Variants in RBPJ observed in about 807,000 individuals in gnomAD.
The protein encoded by RBPJ is recombining binding protein suppressor of hairless.
Under a neutral mutation model 67.8 loss-of-function variants are expected in RBPJ, and 9 were observed. That is an observed-to-expected ratio of 0.13 (90% CI 0.08 to 0.23). The LOEUF (loss-of-function observed/expected upper bound fraction) is 0.23, where lower values mean the gene tolerates loss of function less well. Among genes scored for constraint, RBPJ ranks in the 10% least tolerant of loss-of-function variants. The pLI, the probability that RBPJ is intolerant of heterozygous loss-of-function variation, is 1.00. For missense variants in RBPJ, 305 were observed against 595.6 expected (o/e 0.51, Z 5.08); for synonymous variants, 198 against 203.3 (o/e 0.97, Z 0.22).
intron 1 of RBPJ, among the ~76,000 whole-genome samples, chr4:26,287,585 A>AAAGGAGAGGG (rs1721515689): frequency 6.3e-5 from 1 of 15,984 alleles, no homozygotes; most frequent in African/African-American, 5.9e-4. Flanking sequence ...AAAGGACAGG[A>AAAGGAGAGGG]GAGGAGAGGG....
chr4:26,342,265 C>CAAAA (rs60781954), intron 1 of RBPJ, among the ~76,000 whole-genome samples: 19 of 114,100 alleles, frequency 1.7e-4, no homozygotes, highest in East Asian at 2.7e-4. Context: ...CCTGGGTTAT[C>CAAAA]AAAAAAAAAA....
At chr4:26,371,571 CT>C (rs1729165115) in intron 1 of RBPJ, among the ~76,000 whole-genome samples, 1 of 151,810 alleles carries the variant, frequency 6.6e-6, no homozygotes, top group Non-Finnish European at 1.5e-5. Context: ...ATGACATTTT[CT>C]TCATTGCTAG....
chr4:26,149,786 C>T, the RBPJ span, among the ~76,000 whole-genome samples: 11 of 152,302 alleles, frequency 7.2e-5, 1 homozygote, highest in South Asian at 1.5e-3. Context: ...TTGGTGTTCT[C>T]TTATAGCAAC....
chr4:26,408,894 T>G (rs1263580305), intron 3 of RBPJ, among the ~76,000 whole-genome samples: 2 of 152,248 alleles, frequency 1.3e-5, no homozygotes, highest in Non-Finnish European at 2.9e-5. Flanking sequence ...GAAAAGATCC[T>G]TTAAATACTT....
chr4:26,109,727 C>CTATA, the RBPJ span, among the ~76,000 whole-genome samples: 11 of 95,428 alleles, frequency 1.2e-4, no homozygotes, highest in African/African-American at 3.1e-4. Flanking sequence ...CTCTCTCTCT[C>CTATA]TCTATATATA....
the RBPJ span, among the ~76,000 whole-genome samples, chr4:26,120,603 C>A: frequency 1.3e-5 from 2 of 151,994 alleles, no homozygotes; most frequent in Non-Finnish European, 2.9e-5. Context: ...CTAACCTTGG[C>A]ACCATATTGC....
At chr4:26,171,908 A>G (rs916127444) in intron 1 of RBPJ, among the ~76,000 whole-genome samples, 2 of 152,108 alleles carry the variant, frequency 1.3e-5, no homozygotes, top group South Asian at 4.1e-4. Flanking sequence ...GCATGACTAC[A>G]CTGTTAGGTC....
intron 1 of RBPJ, among the ~76,000 whole-genome samples, chr4:26,244,012 T>G (rs912238747): frequency 2.6e-5 from 4 of 151,762 alleles, no homozygotes; most frequent in Admixed American, 1.3e-4. Context: ...GGAGGATCAC[T>G]TGAGCCCAGG....
intron 5 of RBPJ, among the ~76,000 whole-genome samples, chr4:26,422,707 C>T (rs1359917550): frequency 6.6e-6 from 1 of 152,122 alleles, no homozygotes; most frequent in Non-Finnish European, 1.5e-5. Context: ...TTCAAACACT[C>T]TCAAGTAGAC....
At chr4:26,125,246 A>C in the RBPJ span, among the ~76,000 whole-genome samples, 1 of 152,200 alleles carries the variant, frequency 6.6e-6, no homozygotes, top group African/African-American at 2.4e-5. Flanking sequence ...GTAGCTGCTG[A>C]AGGCTATGGA....
intron 1 of RBPJ, among the ~76,000 whole-genome samples, chr4:26,271,487 T>C (rs1720914133): frequency 6.6e-6 from 1 of 151,994 alleles, no homozygotes. Flanking sequence ...TGTGGCAAAG[T>C]CTGTCTGGCT....
At chr4:26,157,022 G>C in the RBPJ span, among the ~76,000 whole-genome samples, 3 of 150,524 alleles carry the variant, frequency 2.0e-5, no homozygotes, top group African/African-American at 7.3e-5. Context: ...GCTGTGGTGT[G>C]CCAGGTTCAC....
chr4:26,222,619 A>G (rs1193771320), intron 1 of RBPJ, among the ~76,000 whole-genome samples: 4 of 137,328 alleles, frequency 2.9e-5, no homozygotes, highest in Admixed American at 1.6e-4. Flanking sequence ...ATATATACCT[A>G]TTATGTACTC....
At chr4:26,398,280 C>T (rs1732364765) in intron 2 of RBPJ, among the ~76,000 whole-genome samples, 1 of 152,186 alleles carries the variant, frequency 6.6e-6, no homozygotes, top group African/African-American at 2.4e-5. Context: ...TCTTCCCTCT[C>T]TCCCACACTC....
the RBPJ span, among the ~76,000 whole-genome samples, chr4:26,117,939 G>C: frequency 0.12 from 18,153 of 151,716 alleles, 1,188 homozygotes; most frequent in Middle Eastern, 0.19. Context: ...ATATATATTT[G>C]TGCATGGATA....
intron 1 of RBPJ, among the ~76,000 whole-genome samples, chr4:26,339,344 A>G (rs187324841): frequency 3.3e-4 from 50 of 151,500 alleles, no homozygotes; most frequent in Admixed American, 1.5e-3. Flanking sequence ...CCAGATTTCA[A>G]TTTCGTTGTT....
chr4:26,276,453 G>T (rs1215528684), intron 1 of RBPJ, among the ~76,000 whole-genome samples: 3 of 152,138 alleles, frequency 2.0e-5, no homozygotes, highest in African/African-American at 7.2e-5. Flanking sequence ...AGGCTTGGTG[G>T]TTGTGACGTT....
intron 7 of RBPJ, among the ~76,000 whole-genome samples, chr4:26,426,655 G>A (rs1164970500): frequency 6.6e-6 from 1 of 152,224 alleles, no homozygotes; most frequent in African/African-American, 2.4e-5. Context: ...AAGGGATAGA[G>A]AATTGGAGGA....
intron 1 of RBPJ, among the ~76,000 whole-genome samples, chr4:26,328,741 G>A (rs1186367472): frequency 1.3e-5 from 2 of 152,112 alleles, no homozygotes; most frequent in African/African-American, 2.4e-5. Flanking sequence ...GGATCCTCCT[G>A]CCTCACCCTC....
Sources: allele counts gnomAD v4.1 joint callset (sites outside exome capture counted in the v4.1 genomes callset), GRCh38; gene constraint gnomAD v4.1.1; transcripts MANE v1.5; gene names NCBI Gene and HGNC (gene_info 2026-07-23, HGNC 2026-07-21).